DNAH6: variants seen among roughly 807,000 people sequenced by gnomAD.
DNAH6 encodes the protein dynein axonemal heavy chain 6.
Under a neutral mutation model 491.4 loss-of-function variants are expected in DNAH6, and 340 were observed. The observed-to-expected ratio is 0.69, with a 90% CI of 0.63 to 0.76. The LOEUF is 0.76. Ranked by LOEUF, DNAH6 falls within the 30% of genes least tolerant of loss-of-function variation. DNAH6 has a pLI of 0.00. For missense variants in DNAH6, 4,443 were observed against 4,972.2 expected (o/e 0.89, Z 3.20); for synonymous variants, 1,603 against 1,686.1 (o/e 0.95, Z 1.21).
In DNAH6 at chr2:84,670,299, T is replaced by A. The variant is rs1012211774; in HGVS notation, c.6307-29T>A. The A allele has an allele frequency of 1.4e-5, 20 of 1,414,228 alleles. No individual in the cohort carries two copies. The African/African-American group carries it at 2.5e-4, about 17-fold the overall frequency. 87.6% of individuals were successfully genotyped at this position (1,414,228 alleles called of 1,614,324 possible). A position where few individuals can be genotyped will look rare whatever the true frequency, so the allele number is the denominator to read the frequency against. On this transcript the variant is annotated intron_variant, in intron 38 of 76. Coordinates refer to ENST00000389394, the MANE Select transcript of DNAH6 (RefSeq NM_001370.2). ...ATAACTGAAAGAGGTTATATTCATGTGACATTAATTAACTTATTTTAATTT... is the reference window on the plus strand; with the variant it reads ...ATAACTGAAAGAGGTTATATTCATGAGACATTAATTAACTTATTTTAATTT...
chr2:84,726,255 A>G (rs1481171933), intron 60 of DNAH6, among the ~76,000 whole-genome samples: 2 of 152,088 alleles, frequency 1.3e-5, no homozygotes, highest in Non-Finnish European at 2.9e-5. Context: ...CATGAACAAT[A>G]TATCTTGATC....
At chr2:84,739,924 G>C (rs570534703) in intron 62 of DNAH6, among the ~76,000 whole-genome samples, 1 of 152,038 alleles carries the variant, frequency 6.6e-6, no homozygotes, top group South Asian at 2.1e-4. Flanking sequence ...GGAGCTAGTG[G>C]GATCCTTTGG....
Position 84,531,343 on chromosome 2 carries a change from TA to T in DNAH6, c.662+2178del, listed in dbSNP as rs1455601098. On this transcript the variant is annotated intron_variant, in intron 4 of 76. Transcript: ENST00000389394. ...TATTTTCCTTTTTTTTTTTATTTTT[TA>T]TTTTTTTTTATTTTTTTTTTTTTTG... 1.5e-3 allele frequency among the ~76,000 whole-genome samples: 2 copies of T among 1,352 alleles called. 1 individual carries two copies. The highest frequency in any genetic ancestry group is 7.9e-3 in the Non-Finnish European group (2 of 254). 0.9% of individuals were successfully genotyped at this position (1,352 alleles called of 152,430 possible).
chr2:84,641,898 T>G (rs1198542428), intron 32 of DNAH6, 49 bp from the exon 33 acceptor site: 1 of 1,460,718 alleles, frequency 6.8e-7, no homozygotes, highest in Non-Finnish European at 9.3e-7. Context: ...AAAATCATGT[T>G]CAACCTTATG....
At position 84,640,499 on chromosome 2, in the gene DNAH6, C is replaced by T; in HGVS notation, c.4891C>T (p.Leu1631Phe). ...AAGAAAAATGACTCAGATGTATAAG[C>T]TTTGCAGTGAGCAGCTGTCTCAGCA... ...LARKMTQMYK[L>F]CSEQLSQQDH... Residue 1631 changes from leucine (L) to phenylalanine (F), a missense_variant, in exon 32 of 77, where the codon CTT (leucine) becomes TTT (phenylalanine). Around this residue, in one of 3 missense-constraint regions of DNAH6, gnomAD observed 2,977 missense variants for 3,296.6 expected, o/e 0.90. Transcript: ENST00000389394. 6.4e-7 allele frequency: 1 copy of T among 1,550,664 alleles called. No homozygotes were observed. Among genetic ancestry groups the T allele is most frequent in the Non-Finnish European group, 8.7e-7 (1 of 1,146,242 alleles).
the DNAH6 span, among the ~76,000 whole-genome samples, chr2:84,510,542 G>A: frequency 3.3e-5 from 5 of 152,052 alleles, no homozygotes; most frequent in African/African-American, 1.2e-4. Flanking sequence ...GCTCGGAGTA[G>A]TTTGATCGTC....
rs1678309818 is a variant in DNAH6, at chr2:84,542,111, G to C, written c.663-2122G>C. ...CTAAGTGGCACTGAGCACCAAGTTAGAATTCAACATCATGGACCACAGCTA... is the reference window on the plus strand; with the variant it reads ...CTAAGTGGCACTGAGCACCAAGTTACAATTCAACATCATGGACCACAGCTA... On this transcript the variant is annotated intron_variant, in intron 4 of 76. Transcript: ENST00000389394. Among the ~76,000 whole-genome samples the C allele has an allele frequency of 2.0e-5, 3 of 152,174 alleles. No homozygotes were observed. The South Asian group carries it at 6.2e-4, about 31-fold the overall frequency.
chr2:84,509,140 G>A, the DNAH6 span, among the ~76,000 whole-genome samples: 13 of 152,048 alleles, frequency 8.5e-5, no homozygotes, highest in African/African-American at 1.4e-4. Flanking sequence ...TTTCTGTCTC[G>A]TTCATCTGTC....
At chr2:84,644,358 G>A (rs973990211) in intron 33 of DNAH6, among the ~76,000 whole-genome samples, 9 of 152,184 alleles carry the variant, frequency 5.9e-5, no homozygotes, top group Admixed American at 5.9e-4. Flanking sequence ...ATTTCAGAAT[G>A]GTTTCTTTTC....
At chr2:84,472,962 T>A in the DNAH6 span, among the ~76,000 whole-genome samples, 1 of 152,194 alleles carries the variant, frequency 6.6e-6, no homozygotes, top group African/African-American at 2.4e-5. Flanking sequence ...ACTGGCTGTT[T>A]AAAAGTTAAC....
intron 64 of DNAH6, among the ~76,000 whole-genome samples, chr2:84,779,592 G>C (rs1676481068): frequency 6.6e-6 from 1 of 152,104 alleles, no homozygotes; most frequent in African/African-American, 2.4e-5. Context: ...TATCCAACTT[G>C]CTACTCTGTG....
intron 15 of DNAH6, among the ~76,000 whole-genome samples, chr2:84,586,898 G>T (rs1318520885): frequency 6.6e-6 from 1 of 152,162 alleles, no homozygotes; most frequent in East Asian, 1.9e-4. Flanking sequence ...TAGATCATTA[G>T]AGAAAGCAAA....
intron 38 of DNAH6, among the ~76,000 whole-genome samples, chr2:84,669,887 A>C (rs1692552099): frequency 6.6e-6 from 1 of 152,204 alleles, no homozygotes; most frequent in South Asian, 2.1e-4. Context: ...CTGTTCACTT[A>C]TACCTGATAC....
intron 63 of DNAH6, among the ~76,000 whole-genome samples, chr2:84,746,253 G>A (rs537730449): frequency 1.6e-4 from 24 of 152,278 alleles, no homozygotes; most frequent in African/African-American, 2.2e-4. Flanking sequence ...TGTTAGGATC[G>A]TAGAGGAATA....
the DNAH6 span, among the ~76,000 whole-genome samples, chr2:84,486,677 A>G: frequency 6.6e-6 from 1 of 152,330 alleles, no homozygotes; most frequent in East Asian, 1.9e-4. Flanking sequence ...TATTGCCCAT[A>G]CAAACCTGGC....
chr2:84,467,008 A>G, the DNAH6 span, among the ~76,000 whole-genome samples: 2 of 152,204 alleles, frequency 1.3e-5, no homozygotes, highest in Non-Finnish European at 2.9e-5. Context: ...AAAACCAAAC[A>G]CCGTTTTTAC....
At chr2:84,576,036 G>T (rs921365748) in intron 12 of DNAH6, among the ~76,000 whole-genome samples, 1 of 152,162 alleles carries the variant, frequency 6.6e-6, no homozygotes, top group African/African-American at 2.4e-5. Context: ...CCAAAGTTGT[G>T]TTCATTGGCA....
intron 21 of DNAH6, 99 bp from the exon 22 acceptor site, chr2:84,611,575 G>A: frequency 9.3e-7 from 1 of 1,075,696 alleles, no homozygotes; most frequent in Non-Finnish European, 1.3e-6. Context: ...CACCCTCAAG[G>A]AAAAAGATAC....
At chr2:84,725,351 T>C (rs1698528607) in intron 60 of DNAH6, among the ~76,000 whole-genome samples, 1 of 152,186 alleles carries the variant, frequency 6.6e-6, no homozygotes, top group Non-Finnish European at 1.5e-5. Flanking sequence ...TCAAGTTGTT[T>C]AGATAGGCCT....
Sources: allele counts gnomAD v4.1 joint callset (sites outside exome capture counted in the v4.1 genomes callset), GRCh38; gene constraint gnomAD v4.1.1; regional missense constraint gnomAD v4.1.1; transcripts MANE v1.5; gene names NCBI Gene and HGNC (gene_info 2026-07-23, HGNC 2026-07-21).